INSIG2: variants seen among roughly 807,000 people sequenced by gnomAD.
The protein encoded by INSIG2 is insulin induced gene 2.
In INSIG2, 10 loss-of-function variants were observed where a neutral mutation model predicts 27.2. That is an observed-to-expected ratio of 0.37 (90% CI 0.23 to 0.62). The LOEUF is 0.62. Among genes scored for constraint, INSIG2 ranks in the 20% least tolerant of loss-of-function variants. INSIG2 has a pLI of 0.65. For missense variants in INSIG2, 178 were observed against 270.2 expected (o/e 0.66, Z 2.39); for synonymous variants, 97 against 95.8 (o/e 1.01, Z -0.07).
Position 118,110,218 on chromosome 2 carries a change from ACTC to A in INSIG2, c.*1901_*1903del, listed in dbSNP as rs1317389056. 6.6e-6 allele frequency: 1 copy of A among 152,118 alleles called. No individual in the cohort carries two copies. Among genetic ancestry groups the A allele is most frequent in the Admixed American group, 6.5e-5 (1 of 15,274 alleles). The allele number at this position is 152,118 out of a possible 1,614,324, so 9.4% of individuals were successfully genotyped here. A position where few individuals can be genotyped will look rare whatever the true frequency, so the allele number is the denominator to read the frequency against. On this transcript the variant is annotated 3_prime_UTR_variant, in exon 6 of 6. Transcript: ENST00000245787. Reference sequence around the variant, plus strand: ...GTTGAAAATCCATGTATAACTTTTGACTCCTCCAAAACTTAACTACTAATAGCC... The same window carrying A: ...GTTGAAAATCCATGTATAACTTTTGACTCCAAAACTTAACTACTAATAGCC...
rs1678747447 is a variant in INSIG2, at chr2:118,109,063, TA to T, written c.*745del. The T allele has an allele frequency of 6.6e-6, 1 of 152,162 alleles. No homozygotes were observed. The highest frequency in any genetic ancestry group is 1.5e-5 in the Non-Finnish European group (1 of 68,026). The allele number at this position is 152,162 out of a possible 1,614,324, so 9.4% of individuals were successfully genotyped here. ...CTAAATTTGGAACAGTATATATAAT[TA>T]AAAGTAAGGAACATTAGAGGATTTA... On this transcript the variant is annotated 3_prime_UTR_variant, in exon 6 of 6. Coordinates refer to ENST00000245787, the MANE Select transcript of INSIG2 (RefSeq NM_016133.4).
intron 5 of INSIG2, 21 bp downstream of exon 5, chr2:118,107,210 C>G (rs1464592156): frequency 6.6e-7 from 1 of 1,521,156 alleles, no homozygotes; most frequent in Admixed American, 1.7e-5. Flanking sequence ...GCTCACTTTT[C>G]TGAATAAGAT....
intron 3 of INSIG2, 142 bp from the exon 4 acceptor site, chr2:118,106,595 A>G (rs958291823): frequency 9.6e-6 from 6 of 626,684 alleles, no homozygotes; most frequent in Non-Finnish European, 1.7e-5. Flanking sequence ...ACCTAGCTTC[A>G]TACATTGTAC....
At chr2:118,107,338 T>C (rs1678699406) in intron 5 of INSIG2, 149 bp downstream of exon 5, 1 of 622,736 alleles carries the variant, frequency 1.6e-6, no homozygotes. Flanking sequence ...TTTGGAAGAA[T>C]TTAATCACAG....
intron 2 of INSIG2, among the ~76,000 whole-genome samples, chr2:118,100,513 G>T (rs922304815): frequency 6.6e-6 from 1 of 151,366 alleles, no homozygotes; most frequent in Admixed American, 6.6e-5. Context: ...CGAGTAGCTG[G>T]GATTACAGGC....
intron 2 of INSIG2, among the ~76,000 whole-genome samples, chr2:118,099,681 ATAATATC>A (rs1678493911): frequency 6.6e-6 from 1 of 152,240 alleles, no homozygotes. Context: ...ACGTATGAAA[ATAATATC>A]TAATGTAAAA....
chr2:118,104,228 G>A (rs1000286775), intron 3 of INSIG2, among the ~76,000 whole-genome samples: 1 of 152,192 alleles, frequency 6.6e-6, no homozygotes, highest in Non-Finnish European at 1.5e-5. Context: ...GGGGCAGGCA[G>A]AGTTAGCTAG....
At chr2:118,089,882 T>A (rs1286959911) in intron 1 of INSIG2, among the ~76,000 whole-genome samples, 1 of 152,242 alleles carries the variant, frequency 6.6e-6, no homozygotes, top group Non-Finnish European at 1.5e-5. Flanking sequence ...TTTTAGGCAC[T>A]GAGATGTGAC....
intron 2 of INSIG2, among the ~76,000 whole-genome samples, chr2:118,097,985 A>G (rs1573572251): frequency 6.6e-6 from 1 of 152,228 alleles, no homozygotes; most frequent in African/African-American, 2.4e-5. Context: ...TCACTATTAC[A>G]TCGTTCACAT....
In INSIG2 at chr2:118,092,868, TGATGATGATGATGATGAGGAC is replaced by T. The variant is rs1558832037; in HGVS notation, c.-138-3548_-138-3528del. Among the ~76,000 whole-genome samples, 5 of 146,276 alleles carry T rather than the reference TGATGATGATGATGATGAGGAC, an allele frequency of 3.4e-5. 1 individual carries two copies. The highest frequency in any genetic ancestry group is 1.3e-4 in the African/African-American group (5 of 39,854). ...CTTGCTAAAAGCAACCAGATGATGA[TGATGATGATGATGATGAGGAC>T]GAGGAGAGTTCTGTAGCTACTGAAC... On this transcript the variant is annotated intron_variant, in intron 1 of 5. Coordinates refer to ENST00000245787, the MANE Select transcript of INSIG2 (RefSeq NM_016133.4).
At chr2:118,105,962 T>C (rs1242082801) in intron 3 of INSIG2, among the ~76,000 whole-genome samples, 2 of 152,186 alleles carry the variant, frequency 1.3e-5, no homozygotes, top group Non-Finnish European at 2.9e-5. Context: ...TAAAGCTTAA[T>C]TTTACCCAGA....
intron 1 of INSIG2, among the ~76,000 whole-genome samples, chr2:118,094,089 AGATGATGAT>A (rs1172378307): frequency 3.9e-5 from 3 of 77,652 alleles, no homozygotes; most frequent in Non-Finnish European, 7.8e-5. Flanking sequence ...GAAAGCAACC[AGATGATGAT>A]GATGATGAGG....
intron 1 of INSIG2, among the ~76,000 whole-genome samples, chr2:118,093,173 G>C (rs1678302983): frequency 1.0e-5 from 1 of 96,970 alleles, no homozygotes; most frequent in Non-Finnish European, 2.1e-5. Context: ...TGATGAAGGA[G>C]AGTTCTGTAG....
At position 118,106,854 on chromosome 2, in the gene INSIG2, T is replaced by C. The variant is rs1234150197; in HGVS notation, c.487T>C (p.Phe163Leu). The change falls in exon 4 of 6, where the codon TTC becomes CTC. Residue 163 changes from phenylalanine (F) to leucine (L), a missense_variant. Coordinates refer to ENST00000245787, the MANE Select transcript of INSIG2 (RefSeq NM_016133.4). Reference protein sequence around the residue: ...SGFGLGVGIAFLATVVTQLLV... With the variant: ...SGFGLGVGIALLATVVTQLLV... ...TTTTGGCCTTGGAGTAGGAATTGCC[T>C]TCTTGGCAACTGTGGTCACTCAACT... The C allele has an allele frequency of 1.2e-6, 2 of 1,614,112 alleles. No individual in the cohort carries two copies. Among genetic ancestry groups the C allele is most frequent in the Admixed American group, 3.3e-5 (2 of 60,024 alleles).
chr2:118,104,559 A>G (rs952877978), intron 3 of INSIG2, among the ~76,000 whole-genome samples: 3 of 152,220 alleles, frequency 2.0e-5, no homozygotes, highest in Non-Finnish European at 4.4e-5. Context: ...TTAAAATCAT[A>G]TACTATTATA....
intron 3 of INSIG2, among the ~76,000 whole-genome samples, chr2:118,104,645 G>A (rs1027340072): frequency 6.6e-6 from 1 of 152,248 alleles, no homozygotes; most frequent in South Asian, 2.1e-4. Flanking sequence ...AAAGAGGTTA[G>A]GTAATTTACT....
At position 118,093,941 on chromosome 2, in the gene INSIG2, T is replaced by TGATGAG. The variant is rs1353097976; in HGVS notation, c.-138-2476_-138-2475insTGAGGA. On this transcript the variant is annotated intron_variant, in intron 1 of 5. Coordinates refer to ENST00000245787, the MANE Select transcript of INSIG2 (RefSeq NM_016133.4). The stretch of plus-strand genomic sequence containing the variant: ...AGCAACCAGATGATGATGATGATGA[T>TGATGAG]GAGGAGGAGGAGGAGGAGGAGGAGG... Among the ~76,000 whole-genome samples, 28 of 7,074 alleles carry TGATGAG rather than the reference T, an allele frequency of 4.0e-3. 3 individuals carry two copies. Among genetic ancestry groups the TGATGAG allele is most frequent in the African/African-American group, 0.012 (26 of 2,236 alleles). 4.6% of individuals were successfully genotyped at this position (7,074 alleles called of 152,430 possible). A position where few individuals can be genotyped will look rare whatever the true frequency, so the allele number is the denominator to read the frequency against.
At position 118,109,561 on chromosome 2, in the gene INSIG2, C is replaced by G. The variant is rs1243291951; in HGVS notation, c.*1239C>G. On this transcript the variant is annotated 3_prime_UTR_variant, in exon 6 of 6. Transcript: ENST00000245787. ...TTGAAATTGGTGGCAGTTGTCTGAT[C>G]CACAAGGGCAAGATCTTCTGAGTAC... The G allele has an allele frequency of 6.6e-6, 1 of 152,468 alleles. No individual in the cohort carries two copies. The highest frequency in any genetic ancestry group is 1.9e-4 in the East Asian group (1 of 5,202). The allele number at this position is 152,468 out of a possible 1,614,324, so 9.4% of individuals were successfully genotyped here. A position where few individuals can be genotyped will look rare whatever the true frequency, so the allele number is the denominator to read the frequency against.
intron 3 of INSIG2, among the ~76,000 whole-genome samples, chr2:118,103,589 T>A (rs1678603321): frequency 6.6e-6 from 1 of 152,256 alleles, no homozygotes; most frequent in African/African-American, 2.4e-5. Flanking sequence ...TAAATTTGGT[T>A]ACTTAATTAC....
Sources: allele counts gnomAD v4.1 joint callset (sites outside exome capture counted in the v4.1 genomes callset), GRCh38; gene constraint gnomAD v4.1.1; transcripts MANE v1.5; gene names NCBI Gene and HGNC (gene_info 2026-07-23, HGNC 2026-07-21).